NFAM1: variants seen among roughly 807,000 people sequenced by gnomAD.
NFAM1 encodes the protein NFAT activating protein with ITAM motif 1, also known as NFAT activation molecule 1.
Under a neutral mutation model 29.0 loss-of-function variants are expected in NFAM1, and 17 were observed. The ratio of observed to expected loss-of-function variants is 0.59; its 90% CI spans 0.40 to 0.88. NFAM1 has a LOEUF of 0.88. Among genes scored for constraint, NFAM1 ranks in the 40% least tolerant of loss-of-function variants. The probability of loss-of-function intolerance (pLI) is 0.00; values close to 1 mark genes in which losing one functional copy is unlikely to be tolerated. For missense variants in NFAM1, 324 were observed against 344.6 expected (o/e 0.94, Z 0.47); for synonymous variants, 175 against 147.2 (o/e 1.19, Z -1.36).
At chr22:42,392,588 T>G (rs1002720678) in intron 4 of NFAM1, among the ~76,000 whole-genome samples, 3 of 152,060 alleles carry the variant, frequency 2.0e-5, no homozygotes, top group African/African-American at 7.2e-5. Flanking sequence ...GAATTTCAGA[T>G]GGAAGAAATC....
intron 3 of NFAM1, among the ~76,000 whole-genome samples, chr22:42,401,361 C>T (rs73886072): frequency 0.02 from 3,121 of 152,276 alleles, 100 homozygotes; most frequent in African/African-American, 0.072. Flanking sequence ...AGGCCAAATG[C>T]CATGGTGTCT....
At chr22:42,432,655 G>T (rs911560382), upstream of NFAM1, among the ~76,000 whole-genome samples, 1 of 152,212 alleles carries the variant, frequency 6.6e-6, no homozygotes, top group Non-Finnish European at 1.5e-5. Context: ...CCGTCCAGGA[G>T]ACACTGGTAA....
In NFAM1 at chr22:42,408,968, TTGGGAGGGTGTG is replaced by T. The variant is rs548675758; in HGVS notation, c.564+455_564+466del. ...GTCATGGAGCTATGCTGGAGGGTGT[TTGGGAGGGTGTG>T]TGGGAGGGTGTGTGGGAGGGTTGCT... is the stretch of plus-strand genomic sequence containing the variant. On this transcript the variant is annotated intron_variant, in intron 3 of 5. Coordinates refer to ENST00000329021, the MANE Select transcript of NFAM1 (RefSeq NM_145912.8). Among the ~76,000 whole-genome samples the T allele has an allele frequency of 4.8e-3, 735 of 151,712 alleles. 3 individuals carry two copies. Among genetic ancestry groups the T allele is most frequent in the Non-Finnish European group, 8.0e-3 (542 of 67,842 alleles).
chr22:42,386,618 C>T (rs1435133337), intron 5 of NFAM1, among the ~76,000 whole-genome samples: 1 of 152,176 alleles, frequency 6.6e-6, no homozygotes, highest in Non-Finnish European at 1.5e-5. Context: ...CATGTGGACA[C>T]TGTGCCCAGT....
At position 42,401,376 on chromosome 22, in the gene NFAM1, G is replaced by A. The variant is rs114548875; in HGVS notation, c.565-3420C>T. Among the ~76,000 whole-genome samples the A allele has an allele frequency of 4.1e-3, 631 of 152,310 alleles. 3 individuals are homozygous for A. Among genetic ancestry groups the A allele is most frequent in the African/African-American group, 0.014 (597 of 41,554 alleles). On this transcript the variant is annotated intron_variant, in intron 3 of 5. Transcript: ENST00000329021. The stretch of plus-strand genomic sequence containing the variant: ...AGGCCAAATGCCATGGTGTCTACCC[G>A]AAGGGCAGTGGGGGCCACCAGGGAA...
At chr22:42,421,637 T>TCCACCCACCTCACGCTCCCAGAGTG (rs1433449829) in intron 1 of NFAM1, among the ~76,000 whole-genome samples, 9 of 151,978 alleles carry the variant, frequency 5.9e-5, no homozygotes, top group African/African-American at 2.2e-4. Context: ...TGGAACTCAA[T>TCCACCCACCTCACGCTCCCAGAGTG]CCCTTCTATG....
intron 1 of NFAM1, among the ~76,000 whole-genome samples, chr22:42,414,670 C>CCT (rs1930199383): frequency 6.6e-6 from 1 of 151,892 alleles, no homozygotes; most frequent in Non-Finnish European, 1.5e-5. Flanking sequence ...CACTCACAGG[C>CCT]CACTGCCCCC....
At position 42,380,757 on chromosome 22, in the gene NFAM1, G is replaced by C. The variant is rs779421332; in HGVS notation, c.*4404C>G. ...CCCTGAAATCCCAGAGGCATCTTTAGAATGGAGCATGGACTTTACATTAGA... is the reference window on the plus strand; with the variant it reads ...CCCTGAAATCCCAGAGGCATCTTTACAATGGAGCATGGACTTTACATTAGA... On this transcript the variant is annotated 3_prime_UTR_variant, in exon 6 of 6. Transcript: ENST00000329021. The C allele has an allele frequency of 6.6e-6, 1 of 152,032 alleles. No homozygotes were observed. The highest frequency in any genetic ancestry group is 2.1e-4 in the South Asian group (1 of 4,828). The allele number at this position is 152,032 out of a possible 1,614,324, so 9.4% of individuals were successfully genotyped here.
upstream of NFAM1, among the ~76,000 whole-genome samples, chr22:42,434,234 G>A (rs1195320085): frequency 2.6e-5 from 4 of 152,168 alleles, no homozygotes; most frequent in Non-Finnish European, 5.9e-5. Flanking sequence ...CTTGAGCCTG[G>A]CCCAGGGGGT....
Position 42,397,873 on chromosome 22 carries a change from T to G in NFAM1, c.648A>C (p.Ser216=). The change falls in exon 4 of 6, where the codon TCA becomes TCC. Residue 216 remains serine (S), a synonymous_variant. Transcript: ENST00000329021. ...CGGGACTCACTGTGTAGACAGATTC[T>G]GAAGGATGCTGCTTGGGGCTGCTGG... ...RSASSPKQHP[S]ESVYTALQRR... is the part of the protein sequence containing the mutation. 6.2e-7 allele frequency: 1 copy of G among 1,612,204 alleles called. No homozygotes were observed. Among genetic ancestry groups the G allele is most frequent in the Non-Finnish European group, 8.5e-7 (1 of 1,178,348 alleles).
intron 3 of NFAM1, among the ~76,000 whole-genome samples, chr22:42,403,660 A>C (rs1213356490): frequency 6.6e-6 from 1 of 152,208 alleles, no homozygotes; most frequent in Non-Finnish European, 1.5e-5. Context: ...GGCCCTATAA[A>C]TGGTAAGCCC....
At chr22:42,435,648 G>A (rs1930920817), upstream of NFAM1, among the ~76,000 whole-genome samples, 1 of 151,838 alleles carries the variant, frequency 6.6e-6, no homozygotes, top group Admixed American at 6.6e-5. Flanking sequence ...TGCCCAGCTG[G>A]TCTCTGTTTT....
At chr22:42,423,030 T>C (rs1601760287) in intron 1 of NFAM1, among the ~76,000 whole-genome samples, 1 of 147,956 alleles carries the variant, frequency 6.8e-6, no homozygotes, top group African/African-American at 2.5e-5. Flanking sequence ...TGAGAATCAC[T>C]TGAACCTGCG....
chr22:42,434,105 C>T (rs952206651), upstream of NFAM1, among the ~76,000 whole-genome samples: 6 of 152,144 alleles, frequency 3.9e-5, no homozygotes, highest in Non-Finnish European at 8.8e-5. Flanking sequence ...CCCCCCACAC[C>T]CCAACTCTGT....
intron 4 of NFAM1, among the ~76,000 whole-genome samples, chr22:42,389,232 C>T (rs1929250300): frequency 1.3e-5 from 2 of 152,214 alleles, no homozygotes; most frequent in East Asian, 3.9e-4. Context: ...TGATGCAGGG[C>T]CAGAGAAGAC....
upstream of NFAM1, among the ~76,000 whole-genome samples, chr22:42,436,471 C>T (rs904945335): frequency 1.3e-5 from 2 of 152,154 alleles, no homozygotes; most frequent in East Asian, 3.9e-4. Flanking sequence ...TAGGAGCAGC[C>T]GGGTTTACCT....
chr22:42,401,689 A>C lies in NFAM1; in HGVS notation c.565-3733T>G, dbSNP rs76867278. Among the ~76,000 whole-genome samples the C allele has an allele frequency of 6.0e-3, 909 of 152,216 alleles. 5 individuals are homozygous for C. Among genetic ancestry groups the C allele is most frequent in the African/African-American group, 0.021 (877 of 41,510 alleles). On this transcript the variant is annotated intron_variant, in intron 3 of 5. Transcript: ENST00000329021. Reference sequence around the variant, plus strand: ...GCCTTTCAACTGTGATTTTCAGATGAATCACGAGTGTGGCTTCTCCCAACA... The same window carrying C: ...GCCTTTCAACTGTGATTTTCAGATGCATCACGAGTGTGGCTTCTCCCAACA...
chr22:42,432,410 G>A (rs1162220442), upstream of NFAM1: 9 of 1,483,026 alleles, frequency 6.1e-6, no homozygotes, highest in East Asian at 7.4e-5. Context: ...GGGGACGGCC[G>A]GCGCTGACAG....
chr22:42,434,548 C>T (rs1417655708), upstream of NFAM1, among the ~76,000 whole-genome samples: 1 of 152,214 alleles, frequency 6.6e-6, no homozygotes, highest in African/African-American at 2.4e-5. Flanking sequence ...GCCCAGCAGC[C>T]CTGGCTGCGC....
Sources: allele counts gnomAD v4.1 joint callset (sites outside exome capture counted in the v4.1 genomes callset), GRCh38; gene constraint gnomAD v4.1.1; transcripts MANE v1.5; gene names NCBI Gene and HGNC (gene_info 2026-07-23, HGNC 2026-07-21).